Variants in TRAK1 observed in about 807,000 individuals in gnomAD.
The protein encoded by TRAK1 is trafficking kinesin protein 1.
TRAK1 carries 33 observed loss-of-function variants against 92.1 expected under a neutral mutation model. The ratio of observed to expected loss-of-function variants is 0.36; its 90% confidence interval spans 0.27 to 0.48. The LOEUF is 0.48. TRAK1 is among the 20% of genes least tolerant of loss of function. The pLI is 0.99. For synonymous variants in TRAK1, 521 were observed against 517.3 expected (o/e 1.01, Z -0.10); for missense variants, 1,123 against 1,257.9 (o/e 0.89, Z 1.62).
At chr3:42,149,391 T>C in intron 2 of TRAK1, 1 of 1,453,768 alleles carries the variant, frequency 6.9e-7, no homozygotes. Context: ...CTCCAGACTG[T>C]CGTTAAGAAT....
At chr3:42,151,759 G>A (rs1437887792) in intron 2 of TRAK1, among the ~76,000 whole-genome samples, 2 of 152,188 alleles carry the variant, frequency 1.3e-5, no homozygotes, top group Admixed American at 1.3e-4. Context: ...GTCTGGAAAT[G>A]AAATTTGCCC....
chr3:42,088,643 G>A (rs1451279080), upstream of TRAK1, among the ~76,000 whole-genome samples: 2 of 152,182 alleles, frequency 1.3e-5, no homozygotes, highest in African/African-American at 4.8e-5. Flanking sequence ...CTGCAGGCAG[G>A]CTCATGCCCC....
rs751563636 is a variant in TRAK1, at chr3:42,223,364, G to A, written c.2489G>A (p.Ser830Asn). 5.0e-6 allele frequency: 8 copies of A among 1,614,126 alleles called. No individual in the cohort carries two copies. In the African/African-American group the frequency reaches 9.3e-5, roughly 19 times the overall value. Residue 830 changes from serine to asparagine, a missense_variant, in exon 16 of 16, where the codon AGC becomes AAC. Ser to Asn is a conservative substitution (Grantham distance 46). Transcript: ENST00000327628. This position sits in a 1 kb window ranked among gnomAD's most constrained non-coding sequence, Gnocchi z 6.1. Reference sequence around the variant, plus strand: ...GTGAGAGAAAAGAACGTCCGCAGCAGCGAGAGCCAGACCGACGTGTCCGTC... The same window carrying A: ...GTGAGAGAAAAGAACGTCCGCAGCAACGAGAGCCAGACCGACGTGTCCGTC... The part of the protein sequence containing the change: ...REVREKNVRS[S>N]ESQTDVSVSN...
intron 1 of TRAK1, among the ~76,000 whole-genome samples, chr3:42,064,344 G>GAATA (rs1703582401): frequency 7.0e-6 from 1 of 142,792 alleles, no homozygotes; most frequent in Non-Finnish European, 1.5e-5. Context: ...GGTCTCAAAT[G>GAATA]AATAAATAAA....
rs75428958 is a variant in TRAK1, at chr3:42,142,326, T to G, written c.286+16712T>G. On this transcript the variant is annotated intron_variant, in intron 2 of 15. Coordinates refer to ENST00000327628, the MANE Select transcript of TRAK1 (RefSeq NM_001042646.3). Reference sequence around the variant, plus strand: ...TGGTGTCCCATCCAAATGACACACTTCACCTGGAACATGTTTGAAAACATG... The same window carrying G: ...TGGTGTCCCATCCAAATGACACACTGCACCTGGAACATGTTTGAAAACATG... Among the ~76,000 whole-genome samples the G allele has an allele frequency of 2.7e-3, 416 of 152,312 alleles. 1 individual carries two copies. The highest frequency in any genetic ancestry group is 9.1e-3 in the African/African-American group (378 of 41,552).
chr3:42,183,140 A>G (rs1236885076), intron 3 of TRAK1, among the ~76,000 whole-genome samples: 3 of 152,230 alleles, frequency 2.0e-5, no homozygotes, highest in African/African-American at 7.2e-5. Flanking sequence ...TTCTTATTAC[A>G]TATAATGCAC....
chr3:42,171,047 C>T (rs1271170600), intron 2 of TRAK1, among the ~76,000 whole-genome samples: 1 of 151,958 alleles, frequency 6.6e-6, no homozygotes, highest in African/African-American at 2.4e-5. Context: ...GATCTCCTGA[C>T]CTCATGATCC....
intron 2 of TRAK1, among the ~76,000 whole-genome samples, chr3:42,152,259 A>G (rs1454324169): frequency 1.3e-5 from 2 of 152,226 alleles, no homozygotes; most frequent in African/African-American, 2.4e-5. Flanking sequence ...GCTTATAATA[A>G]TAAGACATGG....
At chr3:42,208,680 A>G (rs1174713853) in intron 13 of TRAK1, among the ~76,000 whole-genome samples, 1 of 152,256 alleles carries the variant, frequency 6.6e-6, no homozygotes, top group Non-Finnish European at 1.5e-5. Flanking sequence ...TCGGTGCCCG[A>G]GAACCTCTTC....
rs757431436 is a variant in TRAK1, at chr3:42,223,284, C to T, written c.2409C>T (p.Ser803=). Residue 803 remains serine, a synonymous_variant, in exon 16 of 16, where the codon AGC becomes AGT. Coordinates refer to ENST00000327628, the MANE Select transcript of TRAK1 (RefSeq NM_001042646.3). This position sits in a 1 kb window ranked among gnomAD's most constrained non-coding sequence, Gnocchi z 6.1. ...CCTCCTTTGAGTTCAAGTGCACGAG[C>T]CCTCCCTACGACAATTTCCTGGCTT... ...SPPSFEFKCT[S]PPYDNFLASK... is the part of the protein sequence containing the mutation. 3.1e-6 allele frequency: 5 copies of T among 1,614,238 alleles called. No homozygotes were observed. In the South Asian group the frequency reaches 5.5e-5, roughly 18 times the overall value.
At chr3:42,101,559 C>G (rs536202850) in intron 1 of TRAK1, among the ~76,000 whole-genome samples, 20 of 152,268 alleles carry the variant, frequency 1.3e-4, no homozygotes, top group African/African-American at 4.3e-4. Flanking sequence ...CAGGAGTTGG[C>G]AAACTCCTGT....
chr3:42,203,838 G>A (rs942256529), intron 13 of TRAK1: 13 of 842,728 alleles, frequency 1.5e-5, no homozygotes, highest in African/African-American at 1.8e-5. Flanking sequence ...CAATACATAA[G>A]CAATACATCT....
At chr3:42,083,273 T>A (rs995816601), upstream of TRAK1, among the ~76,000 whole-genome samples, 19 of 152,350 alleles carry the variant, frequency 1.2e-4, no homozygotes, top group African/African-American at 4.6e-4. Flanking sequence ...GGAATTTTTA[T>A]ATCCTTTGCC....
At chr3:42,110,590 A>T (rs1708256378) in intron 1 of TRAK1, among the ~76,000 whole-genome samples, 1 of 152,088 alleles carries the variant, frequency 6.6e-6, no homozygotes, top group African/African-American at 2.4e-5. Flanking sequence ...TCATGTGTTG[A>T]ATTTTGTTGT....
chr3:42,070,369 C>T (rs1379508213), intron 1 of TRAK1, among the ~76,000 whole-genome samples: 1 of 150,368 alleles, frequency 6.7e-6, no homozygotes, highest in South Asian at 2.1e-4. Flanking sequence ...TTTTATTTTT[C>T]ATTTCTTTGA....
chr3:42,151,370 C>G lies in TRAK1; in HGVS notation c.287-25444C>G, dbSNP rs1413507922. 8.8e-6 allele frequency: 4 copies of G among 456,546 alleles called. No homozygotes were observed. The East Asian group carries it at 2.8e-4, about 32-fold the overall frequency. 28.3% of individuals were successfully genotyped at this position (456,546 alleles called of 1,614,324 possible). On this transcript the variant is annotated intron_variant, in intron 2 of 15. Transcript: ENST00000327628. ...GTTGAGTCTTTTGGCCCTGAGAGAC[C>G]CTGATCTGTCTTCCTCTAAGAGCAA... is the stretch of plus-strand genomic sequence containing the variant.
intron 2 of TRAK1, chr3:42,160,551 T>G: frequency 7.1e-7 from 1 of 1,405,160 alleles, no homozygotes. Flanking sequence ...GCTGATTTCA[T>G]AGCACTGTTT....
At chr3:42,067,074 C>T (rs148339114) in intron 1 of TRAK1, among the ~76,000 whole-genome samples, 411 of 152,256 alleles carry the variant, frequency 2.7e-3, no homozygotes, top group South Asian at 0.013. Flanking sequence ...TTTGAGCTGT[C>T]GTTTCCCAGA....
chr3:42,178,162 G>A (rs1026541935), intron 3 of TRAK1, among the ~76,000 whole-genome samples: 1 of 146,896 alleles, frequency 6.8e-6, no homozygotes, highest in Non-Finnish European at 1.5e-5. Flanking sequence ...TCTGAGAGGG[G>A]TCCTAATCTG....
Sources: allele counts gnomAD v4.1 joint callset (sites outside exome capture counted in the v4.1 genomes callset), GRCh38; gene constraint gnomAD v4.1.1; non-coding constraint Gnocchi (gnomAD v3.1); transcripts MANE v1.5; gene names NCBI Gene and HGNC (gene_info 2026-07-23, HGNC 2026-07-21).